Variants in ABCA9 observed in about 807,000 individuals in gnomAD.
ABCA9 encodes the protein ATP binding cassette subfamily A member 9, also known as ATP-binding cassette sub-family A member 9.
Under a neutral mutation model 205.3 loss-of-function variants are expected in ABCA9, and 183 were observed. The ratio of observed to expected loss-of-function variants is 0.89; its 90% confidence interval spans 0.79 to 1.01. The LOEUF (loss-of-function observed/expected upper bound fraction) is 1.01. ABCA9 is among the 50% of genes least tolerant of loss of function. The pLI is 0.00. For synonymous variants in ABCA9, 651 were observed against 683.3 expected, an observed-to-expected ratio of 0.95 and a Z score of 0.74; for missense variants, 1,805 against 1,912.4, an observed-to-expected ratio of 0.94 and a Z score of 1.05.
the ABCA9 span, chr17:69,078,831 A>T: frequency 1.9e-6 from 1 of 520,442 alleles, no homozygotes; most frequent in South Asian, 3.9e-5. Flanking sequence ...GAATAATTTT[A>T]AAATTTATGT....
intron 25 of ABCA9, among the ~76,000 whole-genome samples, chr17:69,000,387 C>A (rs1346033439): frequency 6.6e-6 from 1 of 151,878 alleles, no homozygotes; most frequent in Admixed American, 6.6e-5. Context: ...ATAGGGAATC[C>A]TTTCCCCATT....
At chr17:69,003,061 C>G (rs566554832) in intron 25 of ABCA9, among the ~76,000 whole-genome samples, 1 of 149,492 alleles carries the variant, frequency 6.7e-6, no homozygotes. Context: ...TGGGTCTTGA[C>G]TCTTTATCCA....
intron 17 of ABCA9, among the ~76,000 whole-genome samples, chr17:69,024,006 A>T (rs545226207): frequency 1.3e-5 from 2 of 152,290 alleles, no homozygotes; most frequent in African/African-American, 4.8e-5. Context: ...CATATTTAAC[A>T]TCTACATGCC....
At chr17:69,004,419 G>T (rs780517700) in intron 25 of ABCA9, among the ~76,000 whole-genome samples, 1 of 152,196 alleles carries the variant, frequency 6.6e-6, no homozygotes, top group Non-Finnish European at 1.5e-5. Flanking sequence ...GTGCCTCCCA[G>T]TTAGGCTGCT....
intron 16 of ABCA9, among the ~76,000 whole-genome samples, chr17:69,024,710 A>AGTAAT (rs2070926200): frequency 6.6e-6 from 1 of 152,126 alleles, no homozygotes; most frequent in Admixed American, 6.6e-5. Context: ...TTCCCTTTGT[A>AGTAAT]GTAATGTATG....
In ABCA9 at chr17:69,017,794, A is replaced by C. The variant is rs552467762; in HGVS notation, c.2768-5T>G. On this transcript the variant is annotated splice_region_variant and splice_polypyrimidine_tract_variant and intron_variant, in intron 20 of 38. Coordinates refer to ENST00000340001, the MANE Select transcript of ABCA9 (RefSeq NM_080283.4). ...AAAAGTTATCAATGGTTGACCCTAC[A>C]TGAAGGCAAAGATTAAAGGAAGCAA... 2 of 1,611,644 alleles carry C rather than the reference A, an allele frequency of 1.2e-6. No individual in the cohort carries two copies. The highest frequency in any genetic ancestry group is 1.3e-5 in the African/African-American group (1 of 74,938).
intron 6 of ABCA9, chr17:69,042,325 C>T (rs1302358660): frequency 6.6e-6 from 1 of 152,158 alleles, no homozygotes; most frequent in East Asian, 1.9e-4. Flanking sequence ...ATATTATTAT[C>T]TACGTTTTAC....
Position 69,007,786 on chromosome 17 carries a change from A to C in ABCA9, c.3408T>G (p.Ser1136Arg), listed in dbSNP as rs375215083. ...TTAAGAAGAAAAATGACCAAATGCC[A>C]CTATTTTTTCTCCCATTGCGAAAAA... The part of the protein sequence containing the change: ...SFIFRNGRKN[S>R]GIWSFFFLIV... The change falls in exon 25 of 39, where the codon AGT becomes AGG. Residue 1136 changes from serine to arginine, a missense_variant. Physicochemically the swap from Ser to Arg is moderately radical, Grantham distance 110. Transcript: ENST00000340001. 1 of 1,605,366 alleles carries C rather than the reference A, an allele frequency of 6.2e-7. No individual in the cohort carries two copies. The highest frequency in any genetic ancestry group is 8.5e-7 in the Non-Finnish European group (1 of 1,172,462).
intron 30 of ABCA9, 60 bp from the exon 31 acceptor site, chr17:68,989,178 TA>T: frequency 8.9e-7 from 1 of 1,118,782 alleles, no homozygotes; most frequent in East Asian, 2.4e-5. Context: ...TAAAAGCAAA[TA>T]CCATTTGAGG....
chr17:69,051,862 T>C (rs2071911061), intron 1 of ABCA9: 1 of 152,168 alleles, frequency 6.6e-6, no homozygotes, highest in South Asian at 2.1e-4. Context: ...CCAAAAATAT[T>C]CAGGAACTAA....
chr17:69,043,827 T>C lies in ABCA9; in HGVS notation c.574-112A>G, dbSNP rs987985236. On this transcript the variant is annotated intron_variant, in intron 5 of 38. Transcript: ENST00000340001. ...CATTCTACATTTATGTATTTTATGT[T>C]TATATGCCCTTCATGATCTGGCCCC... 10 of 923,306 alleles carry C rather than the reference T, an allele frequency of 1.1e-5. No individual in the cohort carries two copies. The South Asian group carries it at 1.4e-4, about 13-fold the overall frequency. 57.2% of individuals were successfully genotyped at this position (923,306 alleles called of 1,614,324 possible).
chr17:68,982,693 C>T (rs746764568), intron 36 of ABCA9, 52 bp from the exon 37 acceptor site: 24 of 1,416,652 alleles, frequency 1.7e-5, no homozygotes, highest in South Asian at 3.4e-5. Context: ...GTTGAAACCC[C>T]GATGGGTACA....
intron 35 of ABCA9, 24 bp downstream of exon 35, chr17:68,984,032 G>A (rs1185210501): frequency 1.2e-6 from 2 of 1,613,798 alleles, no homozygotes; most frequent in African/African-American, 1.3e-5. Flanking sequence ...TAGGGGCTGA[G>A]CGCCGGCTTG....
chr17:69,035,903 G>A (rs1810889902), intron 6 of ABCA9, 102 bp from the exon 7 acceptor site: 6 of 1,412,340 alleles, frequency 4.2e-6, no homozygotes, highest in Non-Finnish European at 4.7e-6. Context: ...TTTATCAAGG[G>A]TAAAGGAAAA....
chr17:69,057,947 A>G (rs908924591), intron 1 of ABCA9, among the ~76,000 whole-genome samples: 13 of 152,210 alleles, frequency 8.5e-5, no homozygotes, highest in African/African-American at 2.4e-4. Flanking sequence ...TACGCAGGAG[A>G]ATATACATAG....
At chr17:69,025,995 C>A (rs1262216178) in intron 16 of ABCA9, among the ~76,000 whole-genome samples, 6 of 150,826 alleles carry the variant, frequency 4.0e-5, no homozygotes, top group Admixed American at 2.0e-4. Flanking sequence ...AGAAAAAAAC[C>A]ACAAAAGGAT....
At chr17:69,056,637 T>A (rs974684246) in intron 1 of ABCA9, among the ~76,000 whole-genome samples, 1 of 152,228 alleles carries the variant, frequency 6.6e-6, no homozygotes, top group African/African-American at 2.4e-5. Context: ...TTCTAGATGC[T>A]AGAAGCAGAA....
intron 32 of ABCA9, among the ~76,000 whole-genome samples, chr17:68,985,561 G>C (rs1012204466): frequency 6.6e-6 from 1 of 152,174 alleles, no homozygotes; most frequent in Non-Finnish European, 1.5e-5. Context: ...GGTGGAGGTT[G>C]CAGTGAGCTG....
intron 3 of ABCA9, among the ~76,000 whole-genome samples, chr17:69,045,599 G>A (rs941322177): frequency 3.9e-5 from 6 of 151,994 alleles, no homozygotes; most frequent in Admixed American, 2.6e-4. Context: ...TTCTTACATT[G>A]CTATAAGAAA....
Sources: gnomAD v4.1 joint callset for allele counts (sites outside exome capture counted in the v4.1 genomes callset) on GRCh38, gnomAD v4.1.1 for gene constraint, MANE v1.5 for transcripts, NCBI Gene and HGNC (gene_info 2026-07-23, HGNC 2026-07-21) for gene names.